ATG10: variants seen among roughly 807,000 people sequenced by gnomAD.
ATG10 encodes ubiquitin-like-conjugating enzyme ATG10.
In ATG10, 30 loss-of-function variants were observed where a neutral mutation model predicts 32.1. That is an observed-to-expected ratio of 0.94 (90% CI 0.70 to 1.27). The LOEUF (loss-of-function observed/expected upper bound fraction) is 1.27, where lower values mean the gene tolerates loss of function less well. Ranked by LOEUF, ATG10 falls within the 50% of genes most tolerant of loss-of-function variation. The pLI is 0.00. For missense variants in ATG10, 233 were observed against 262.3 expected (o/e 0.89, Z 0.77); for synonymous variants, 87 against 91.5 (o/e 0.95, Z 0.28).
At chr5:82,035,790 A>G (rs1025483037) in intron 2 of ATG10, among the ~76,000 whole-genome samples, 2 of 148,408 alleles carry the variant, frequency 1.3e-5, no homozygotes, top group Non-Finnish European at 3.0e-5. Flanking sequence ...ATATAATAAT[A>G]TATAAAAGAG....
At chr5:82,164,737 C>T (rs1340744156) in intron 4 of ATG10, among the ~76,000 whole-genome samples, 200 bp downstream of exon 4, 1 of 152,182 alleles carries the variant, frequency 6.6e-6, no homozygotes. Flanking sequence ...ATCATCTCAG[C>T]CTTAAGTCTG....
chr5:82,182,969 T>A (rs1248964824), intron 5 of ATG10, among the ~76,000 whole-genome samples: 1 of 152,130 alleles, frequency 6.6e-6, no homozygotes. Flanking sequence ...GCTCTTGAAC[T>A]TCTGGCCTCA....
intron 5 of ATG10, among the ~76,000 whole-genome samples, chr5:82,228,970 G>A (rs1300954471): frequency 5.9e-5 from 9 of 152,180 alleles, no homozygotes; most frequent in Admixed American, 2.6e-4. Context: ...TGAGGTTCCC[G>A]TGGCAGAAAG....
At chr5:82,010,408 T>C (rs1020536847) in intron 2 of ATG10, among the ~76,000 whole-genome samples, 2 of 152,216 alleles carry the variant, frequency 1.3e-5, no homozygotes, top group Admixed American at 1.3e-4. Context: ...TGGAGTGAAA[T>C]TATGTATCTA....
At chr5:82,136,904 C>T (rs981132504) in intron 3 of ATG10, among the ~76,000 whole-genome samples, 1 of 151,994 alleles carries the variant, frequency 6.6e-6, no homozygotes, top group African/African-American at 2.4e-5. Context: ...AGGCTTTGTT[C>T]ATTCCTTTTC....
chr5:82,009,647 A>G (rs1762074882), intron 2 of ATG10: 1 of 1,594,098 alleles, frequency 6.3e-7, no homozygotes, highest in Non-Finnish European at 8.6e-7. Context: ...TGGTCTTGCC[A>G]TTCCTGGACC....
chr5:81,989,269 C>T (rs1156515532), intron 2 of ATG10, among the ~76,000 whole-genome samples: 1 of 152,194 alleles, frequency 6.6e-6, no homozygotes, highest in East Asian at 1.9e-4. Flanking sequence ...TGTATGCACT[C>T]TGAGGAACGA....
chr5:82,224,204 C>G (rs1746032741), intron 5 of ATG10, among the ~76,000 whole-genome samples: 1 of 152,102 alleles, frequency 6.6e-6, no homozygotes, highest in South Asian at 2.1e-4. Context: ...TAGGGGCAGT[C>G]TGATAGATGA....
chr5:82,147,028 G>T (rs1057136010), intron 3 of ATG10, among the ~76,000 whole-genome samples: 1 of 152,116 alleles, frequency 6.6e-6, no homozygotes, highest in African/African-American at 2.4e-5. Context: ...TCTGAAGGCT[G>T]TAGATTTCAT....
At chr5:82,029,592 C>G (rs939619779) in intron 2 of ATG10, among the ~76,000 whole-genome samples, 1 of 152,090 alleles carries the variant, frequency 6.6e-6, no homozygotes, top group African/African-American at 2.4e-5. Flanking sequence ...TTATGACTTA[C>G]TGATGTGGGG....
intron 5 of ATG10, among the ~76,000 whole-genome samples, chr5:82,208,840 G>A (rs1745392843): frequency 6.6e-6 from 1 of 151,930 alleles, no homozygotes; most frequent in South Asian, 2.1e-4. Flanking sequence ...TGTATTCTGG[G>A]GAAAAAATAC....
intron 3 of ATG10, among the ~76,000 whole-genome samples, chr5:82,136,765 T>G (rs1341946189): frequency 1.3e-5 from 2 of 152,224 alleles, no homozygotes; most frequent in East Asian, 1.9e-4. Context: ...CCTGTTTTGC[T>G]AGGTTGGGGA....
At chr5:82,112,347 G>A (rs971232332) in intron 3 of ATG10, among the ~76,000 whole-genome samples, 3 of 151,734 alleles carry the variant, frequency 2.0e-5, no homozygotes, top group African/African-American at 7.3e-5. Flanking sequence ...ATATATTTGA[G>A]GGGGCTTTGA....
At chr5:82,184,085 G>A (rs1294623701) in intron 5 of ATG10, among the ~76,000 whole-genome samples, 1 of 152,148 alleles carries the variant, frequency 6.6e-6, no homozygotes, top group Non-Finnish European at 1.5e-5. Flanking sequence ...CAGCCAAGGA[G>A]AACTGGTTCC....
At chr5:82,005,780 C>T (rs769984324) in intron 2 of ATG10, among the ~76,000 whole-genome samples, 1 of 152,020 alleles carries the variant, frequency 6.6e-6, no homozygotes, top group Non-Finnish European at 1.5e-5. Context: ...TTTTGTATAG[C>T]AGAAACAGGA....
chr5:82,065,481 CAA>C (rs770536685), intron 3 of ATG10, among the ~76,000 whole-genome samples: 1 of 119,448 alleles, frequency 8.4e-6, no homozygotes. Context: ...GACATTGTCT[CAA>C]AAAAAAAAAA....
intron 2 of ATG10, among the ~76,000 whole-genome samples, chr5:82,024,132 T>G (rs988390784): frequency 2.6e-5 from 4 of 152,202 alleles, no homozygotes; most frequent in Non-Finnish European, 4.4e-5. Flanking sequence ...TGTGTTAGAC[T>G]GGTGAGTAGT....
chr5:82,247,914 A>AT (rs1362977268), intron 5 of ATG10, among the ~76,000 whole-genome samples: 1 of 151,568 alleles, frequency 6.6e-6, no homozygotes, highest in African/African-American at 2.4e-5. Flanking sequence ...TCTTATTTTT[A>AT]TTTTTTAGAC....
chr5:82,067,933 A>T (rs1215550403), intron 3 of ATG10, among the ~76,000 whole-genome samples: 2 of 152,168 alleles, frequency 1.3e-5, no homozygotes, highest in Non-Finnish European at 2.9e-5. Context: ...CAGCAGCTGT[A>T]TACTTAAGAG....
Sources: gnomAD v4.1 joint callset for allele counts (sites outside exome capture counted in the v4.1 genomes callset) on GRCh38, gnomAD v4.1.1 for gene constraint, MANE v1.5 for transcripts, NCBI Gene and HGNC (gene_info 2026-07-23, HGNC 2026-07-21) for gene names.